FMO5: variants seen among roughly 807,000 people sequenced by gnomAD.
The protein encoded by FMO5 is flavin-containing monooxygenase 5.
Under a neutral mutation model 43.6 loss-of-function variants are expected in FMO5, and 51 were observed. The ratio of observed to expected loss-of-function variants is 1.17; its 90% CI spans 0.93 to 1.48. The LOEUF (loss-of-function observed/expected upper bound fraction) is 1.48. FMO5 is among the 40% of genes most tolerant of loss of function. The pLI, the probability that FMO5 is intolerant of heterozygous loss-of-function variation, is 0.00. For missense variants in FMO5, 644 were observed against 643.0 expected, an observed-to-expected ratio of 1.00 and a Z score of -0.02; for synonymous variants, 187 against 216.5, an observed-to-expected ratio of 0.86 and a Z score of 1.20.
intron 3 of FMO5, chr1:147,215,255 T>G (rs1571369433): frequency 6.6e-6 from 1 of 152,234 alleles, no homozygotes; most frequent in Non-Finnish European, 1.5e-5. Context: ...AGAATTCAGG[T>G]TTTTATTCTG....
intron 7 of FMO5, among the ~76,000 whole-genome samples, chr1:147,191,997 CT>C (rs1656942665): frequency 6.6e-6 from 1 of 151,958 alleles, no homozygotes; most frequent in South Asian, 2.1e-4. Context: ...GATGCGGGCT[CT>C]TTTTTGGTTC....
upstream of FMO5, among the ~76,000 whole-genome samples, chr1:147,226,107 CT>C (rs3028896): frequency 1.4e-5 from 2 of 147,814 alleles, no homozygotes; most frequent in Non-Finnish European, 3.0e-5. Flanking sequence ...ATTTATCTTA[CT>C]TTTTTTTTTT....
chr1:147,203,463 G>T, intron 6 of FMO5: 1 of 828,670 alleles, frequency 1.2e-6, no homozygotes. Context: ...TTACAGCAGG[G>T]ACTACAGCCT....
intron 2 of FMO5, among the ~76,000 whole-genome samples, chr1:147,218,515 C>T (rs988160378): frequency 1.2e-4 from 18 of 152,112 alleles, no homozygotes; most frequent in Non-Finnish European, 8.8e-5. Flanking sequence ...GGATTACAGG[C>T]GTGAGCCACC....
At chr1:147,188,405 C>A (rs1420957177) in intron 8 of FMO5, among the ~76,000 whole-genome samples, 1 of 151,544 alleles carries the variant, frequency 6.6e-6, no homozygotes, top group Non-Finnish European at 1.5e-5. Context: ...TGCCTGTAGT[C>A]CCAGCTACTC....
At chr1:147,199,415 G>C (rs116257825) in intron 7 of FMO5, among the ~76,000 whole-genome samples, 1 of 152,126 alleles carries the variant, frequency 6.6e-6, no homozygotes, top group African/African-American at 2.4e-5. Context: ...CTTCCTTCCA[G>C]GTGTTAGAAA....
chr1:147,206,618 A>C (rs1195449987), intron 6 of FMO5, among the ~76,000 whole-genome samples: 1 of 152,208 alleles, frequency 6.6e-6, no homozygotes, highest in African/African-American at 2.4e-5. Flanking sequence ...TTGTAGAGAC[A>C]TGGATGAAGC....
In FMO5 at chr1:147,215,882, C is replaced by G; in HGVS notation, c.196G>C (p.Glu66Gln). Residue 66 changes from glutamate to glutamine, a missense_variant, in exon 3 of 9, where the codon GAG becomes CAG. By Grantham distance (29) the Glu-to-Gln change is conservative (BLOSUM62 2). Transcript: ENST00000254090. ...GGATAGTCACTGAAGCACATCATCT[C>G]TTTAGAAGTATTGATGATCACTGAT... Reference protein sequence around the residue: ...YKSVIINTSKEMMCFSDYPIP... With the variant: ...YKSVIINTSKQMMCFSDYPIP... 6.2e-7 allele frequency: 1 copy of G among 1,613,262 alleles called. No individual in the cohort carries two copies. The highest frequency in any genetic ancestry group is 8.5e-7 in the Non-Finnish European group (1 of 1,179,388).
chr1:147,196,333 C>T (rs1553919798), intron 7 of FMO5, among the ~76,000 whole-genome samples: 1 of 152,064 alleles, frequency 6.6e-6, no homozygotes, highest in African/African-American at 2.4e-5. Context: ...TTCATTTAAG[C>T]TTAATCATAG....
At chr1:147,188,640 C>T (rs1291401983) in intron 8 of FMO5, among the ~76,000 whole-genome samples, 2 of 150,076 alleles carry the variant, frequency 1.3e-5, no homozygotes, top group Non-Finnish European at 3.0e-5. Flanking sequence ...AATGTATACA[C>T]ATAGTCGGCC....
intron 2 of FMO5, among the ~76,000 whole-genome samples, chr1:147,220,383 T>C (rs1264808133): frequency 1.3e-5 from 2 of 152,328 alleles, no homozygotes; most frequent in African/African-American, 2.4e-5. Flanking sequence ...ACTTGACCTA[T>C]AGATACAATG....
intron 7 of FMO5, 34 bp downstream of exon 7, chr1:147,201,118 A>T (rs1658887408): frequency 6.9e-7 from 1 of 1,449,606 alleles, no homozygotes; most frequent in African/African-American, 1.4e-5. Context: ...CATATCACCA[A>T]GTAATTAAGT....
Position 147,201,147 on chromosome 1 carries a change from C to T in FMO5, c.1183+5G>A. 2 of 1,600,404 alleles carry T rather than the reference C, an allele frequency of 1.2e-6. No individual in the cohort carries two copies. The highest frequency in any genetic ancestry group is 2.2e-5 in the East Asian group (1 of 44,802). ...ATTAAGTAGTCTATTTGCATGGTCA[C>T]TTACCTTTAAATACCTGAGTGGCCC... On this transcript the variant is annotated splice_donor_5th_base_variant and intron_variant, in intron 7 of 8. Transcript: ENST00000254090.
intron 2 of FMO5, chr1:147,224,125 A>G: frequency 3.0e-6 from 1 of 335,242 alleles, no homozygotes; most frequent in Non-Finnish European, 5.9e-6. Flanking sequence ...TAAGATTGGG[A>G]TGTCTAGTCC....
intron 2 of FMO5, chr1:147,223,669 T>C (rs1376553076): frequency 6.2e-6 from 1 of 161,584 alleles, no homozygotes; most frequent in Non-Finnish European, 1.4e-5. Context: ...CTAAGAATTT[T>C]GGCATTGGAC....
chr1:147,199,450 C>T (rs1401541245), intron 7 of FMO5, among the ~76,000 whole-genome samples: 1 of 152,160 alleles, frequency 6.6e-6, no homozygotes, highest in African/African-American at 2.4e-5. Flanking sequence ...TAGCACTAGG[C>T]TTCTGCTAGC....
intron 7 of FMO5, among the ~76,000 whole-genome samples, chr1:147,192,295 T>TGA (rs1409946918): frequency 6.6e-6 from 1 of 152,098 alleles, no homozygotes; most frequent in Admixed American, 6.5e-5. Flanking sequence ...AGTTCACTCA[T>TGA]GATTTGGCTC....
intron 2 of FMO5, among the ~76,000 whole-genome samples, chr1:147,219,432 C>A (rs1405801153): frequency 5.9e-5 from 9 of 152,006 alleles, no homozygotes; most frequent in Admixed American, 5.2e-4. Flanking sequence ...TTGTACAACA[C>A]CCATTCATGA....
intron 7 of FMO5, among the ~76,000 whole-genome samples, chr1:147,195,592 G>T (rs1338828409): frequency 6.6e-6 from 1 of 152,266 alleles, no homozygotes; most frequent in Non-Finnish European, 1.5e-5. Context: ...AACAGTTCCA[G>T]TTGTAGGAAT....
Sources: gnomAD v4.1 joint callset for allele counts (sites outside exome capture counted in the v4.1 genomes callset) on GRCh38, gnomAD v4.1.1 for gene constraint, MANE v1.5 for transcripts, NCBI Gene and HGNC (gene_info 2026-07-23, HGNC 2026-07-21) for gene names.